TAMM41: variants seen among roughly 807,000 people sequenced by gnomAD.
The protein encoded by TAMM41 is TAM41 mitochondrial translocator assembly and maintenance homolog, also known as phosphatidate cytidylyltransferase, mitochondrial.
A neutral mutation model predicts 44.1 loss-of-function variants in TAMM41; 36 were observed. The observed-to-expected ratio is 0.82, with a 90% CI of 0.63 to 1.08. TAMM41 has a LOEUF of 1.08. Among genes scored for constraint, TAMM41 ranks in the 50% least tolerant of loss-of-function variants. The pLI is 0.00. For missense variants in TAMM41, 417 were observed against 404.3 expected (o/e 1.03, Z -0.27); for synonymous variants, 164 against 153.1 (o/e 1.07, Z -0.53).
chr3:11,742,020 G>A, the TAMM41 span, among the ~76,000 whole-genome samples: 4,614 of 150,196 alleles, frequency 0.031, 141 homozygotes, highest in Non-Finnish European at 0.048. Context: ...AAGGGTATGG[G>A]ATTTTCCATT....
chr3:11,823,261 T>G lies in TAMM41; in HGVS notation c.563-5924A>C, dbSNP rs543146817. On this transcript the variant is annotated intron_variant, in intron 4 of 7. Transcript: ENST00000455809. Reference sequence around the variant, plus strand: ...TGTTTTGTTGTTGTTGTTGTTTTTTTTTTTTTTTTTTTGAGACAGAGTCCT... The same window carrying G: ...TGTTTTGTTGTTGTTGTTGTTTTTTGTTTTTTTTTTTTGAGACAGAGTCCT... Among the ~76,000 whole-genome samples, 819 of 149,326 alleles carry G rather than the reference T, an allele frequency of 5.5e-3. 7 individuals are homozygous for G. The highest frequency in any genetic ancestry group is 0.019 in the African/African-American group (773 of 40,870).
At chr3:11,749,705 G>T in the TAMM41 span, among the ~76,000 whole-genome samples, 3 of 152,146 alleles carry the variant, frequency 2.0e-5, no homozygotes, top group African/African-American at 7.2e-5. Flanking sequence ...GATATGAAGC[G>T]GAAGGGAGGG....
chr3:11,744,975 C>A, the TAMM41 span, among the ~76,000 whole-genome samples: 6 of 151,958 alleles, frequency 3.9e-5, no homozygotes, highest in African/African-American at 7.2e-5. Context: ...GCGATTCTCC[C>A]GCCTCAGCCG....
the TAMM41 span, among the ~76,000 whole-genome samples, chr3:11,782,097 T>C: frequency 6.6e-6 from 1 of 152,070 alleles, no homozygotes; most frequent in Non-Finnish European, 1.5e-5. Flanking sequence ...TGGATACACA[T>C]GGAGAGAACA....
intron 3 of TAMM41, among the ~76,000 whole-genome samples, chr3:11,838,282 T>G (rs2079272154): frequency 6.6e-6 from 1 of 151,994 alleles, no homozygotes; most frequent in Admixed American, 6.6e-5. Context: ...TGGTGTGATC[T>G]CGGCTCATTG....
intron 3 of TAMM41, among the ~76,000 whole-genome samples, chr3:11,835,283 G>A (rs1366219252): frequency 6.6e-6 from 1 of 152,084 alleles, no homozygotes; most frequent in Non-Finnish European, 1.5e-5. Context: ...GGTTAACAGT[G>A]ATTTCCACAT....
intron 5 of TAMM41, chr3:11,810,692 A>G (rs2078060144): frequency 6.6e-6 from 1 of 152,236 alleles, no homozygotes; most frequent in African/African-American, 2.4e-5. Flanking sequence ...CTTAGAGTTT[A>G]CAGATAGGAC....
intron 7 of TAMM41, among the ~76,000 whole-genome samples, chr3:11,794,192 AG>A (rs2077552829): frequency 6.7e-6 from 1 of 150,346 alleles, no homozygotes; most frequent in South Asian, 2.1e-4. Flanking sequence ...GTTGGAGTGC[AG>A]TGGCATAATC....
At position 11,817,275 on chromosome 3, in the gene TAMM41, T is replaced by C. The variant is rs1039846972; in HGVS notation, c.625A>G (p.Ile209Val). ...CCATAGAGCTCTCGAAAGTGGGCTA[T>C]ATTGGGCTTCACAATATTCAACACT... ...TKVLNIVKPN[I>V]AHFRELYGSI... Residue 209 changes from isoleucine (I) to valine (V), a missense_variant, in exon 5 of 8, where the codon ATA becomes GTA. Ile to Val is a conservative substitution (Grantham distance 29). Transcript: ENST00000455809. 46 of 1,613,552 alleles carry C rather than the reference T, an allele frequency of 2.9e-5. No homozygotes were observed. The highest frequency in any genetic ancestry group is 3.7e-5 in the Non-Finnish European group (44 of 1,179,604).
At position 11,793,162 on chromosome 3, in the gene TAMM41, A is replaced by G. The variant is rs181667951; in HGVS notation, c.938-2581T>C. 1.3e-4 allele frequency among the ~76,000 whole-genome samples: 20 copies of G among 152,218 alleles called. No homozygotes were observed. The East Asian group carries it at 3.7e-3, about 28-fold the overall frequency. On this transcript the variant is annotated intron_variant, in intron 7 of 7. Transcript: ENST00000455809. ...AACAATGGAGTTGTGCCCCGACTAC[A>G]GAGAGAATTCAGTAAGCAAAAGAGA... is the stretch of plus-strand genomic sequence containing the variant.
At chr3:11,724,756 G>A in the TAMM41 span, 2 of 152,146 alleles carry the variant, frequency 1.3e-5, no homozygotes, top group Non-Finnish European at 2.9e-5. Flanking sequence ...GTAAAACATT[G>A]TAAAAAGGAA....
chr3:11,825,148 C>T (rs764578331), intron 4 of TAMM41, among the ~76,000 whole-genome samples: 1 of 152,156 alleles, frequency 6.6e-6, no homozygotes, highest in African/African-American at 2.4e-5. Context: ...GCTATGTGAC[C>T]CAGGGCAAGC....
the TAMM41 span, among the ~76,000 whole-genome samples, chr3:11,742,714 A>G: frequency 6.9e-5 from 10 of 145,290 alleles, 1 homozygote; most frequent in African/African-American, 2.6e-4. Flanking sequence ...AGTCTCCTGA[A>G]TAGCGGGGAC....
At chr3:11,820,052 T>G (rs2078451447) in intron 4 of TAMM41, among the ~76,000 whole-genome samples, 1 of 152,150 alleles carries the variant, frequency 6.6e-6, no homozygotes, top group Admixed American at 6.5e-5. Context: ...TTCCCTCACT[T>G]CTATAATGCT....
At chr3:11,760,898 G>A in the TAMM41 span, among the ~76,000 whole-genome samples, 1 of 151,492 alleles carries the variant, frequency 6.6e-6, no homozygotes, top group South Asian at 2.1e-4. Flanking sequence ...CAGGCGTGGT[G>A]GCTCACATCT....
the TAMM41 span, among the ~76,000 whole-genome samples, chr3:11,725,274 T>TCTTCCCCTC: frequency 7.4e-6 from 1 of 135,996 alleles, no homozygotes; most frequent in African/African-American, 2.7e-5. Context: ...TCTTCCTCCC[T>TCTTCCCCTC]CTTCTCCTCC....
chr3:11,815,584 T>C (rs1431041860), intron 5 of TAMM41, among the ~76,000 whole-genome samples: 1 of 151,984 alleles, frequency 6.6e-6, no homozygotes, highest in Non-Finnish European at 1.5e-5. Context: ...AAAATAAACA[T>C]TGAATATTAA....
the TAMM41 span, among the ~76,000 whole-genome samples, chr3:11,754,706 CTCTTTTT>C: frequency 6.5e-5 from 7 of 106,872 alleles, no homozygotes; most frequent in Admixed American, 2.7e-4. Flanking sequence ...TTTCTCAGAT[CTCTTTTT>C]TTTTTTTTTT....
chr3:11,770,468 T>A, the TAMM41 span, among the ~76,000 whole-genome samples: 2 of 152,222 alleles, frequency 1.3e-5, no homozygotes, highest in African/African-American at 4.8e-5. Flanking sequence ...CCCAAAGTAG[T>A]AATGAGGTCG....
Sources: allele counts gnomAD v4.1 joint callset (sites outside exome capture counted in the v4.1 genomes callset), GRCh38; gene constraint gnomAD v4.1.1; transcripts MANE v1.5; gene names NCBI Gene and HGNC (gene_info 2026-07-23, HGNC 2026-07-21).